The following DUSP16 variants were observed in gnomAD, a reference collection of about 807,000 sequenced individuals.
DUSP16 encodes dual specificity phosphatase 16.
A neutral mutation model predicts 58.3 loss-of-function variants in DUSP16; 21 were observed. The ratio of observed to expected loss-of-function variants is 0.36; its 90% CI spans 0.26 to 0.52. The LOEUF is 0.52. Among genes scored for constraint, DUSP16 ranks in the 20% least tolerant of loss-of-function variants. The probability of loss-of-function intolerance (pLI) is 0.94; values close to 1 mark genes in which losing one functional copy is unlikely to be tolerated. For synonymous variants in DUSP16, 320 were observed against 323.8 expected, an observed-to-expected ratio of 0.99 and a Z score of 0.12; for missense variants, 726 against 819.0, an observed-to-expected ratio of 0.89 and a Z score of 1.39.
Position 12,487,112 on chromosome 12 carries a change from C to A in DUSP16, c.607G>T (p.Glu203Ter), listed in dbSNP as rs753103309. ...ACAGGCACACGCAGGAAATGAGACT[C>A]GGGGATAAAGTCAGGCTTTGGACAG... Reference protein sequence around the residue: ...NTCPKPDFIPESHFLRVPVND... With the variant: ...NTCPKPDFIP The change falls in exon 5 of 7, where the codon GAG (glutamate) becomes TAG (stop). Residue 203 changes from glutamate (E) to a stop codon, truncating the protein, a stop_gained. Coordinates refer to ENST00000298573, the MANE Select transcript of DUSP16 (RefSeq NM_030640.3). LOFTEE classifies it high-confidence loss of function. 6.2e-7 allele frequency: 1 copy of A among 1,613,968 alleles called. No individual in the cohort carries two copies. Among genetic ancestry groups the A allele is most frequent in the African/African-American group, 1.3e-5 (1 of 74,888 alleles).
chr12:12,523,150 A>T (rs1003112277), intron 1 of DUSP16, among the ~76,000 whole-genome samples: 1 of 152,240 alleles, frequency 6.6e-6, no homozygotes, highest in African/African-American at 2.4e-5. Context: ...CCATTTACTT[A>T]TGCAACCTTG....
chr12:12,503,577 C>G (rs1336589607), intron 3 of DUSP16, among the ~76,000 whole-genome samples: 1 of 152,028 alleles, frequency 6.6e-6, no homozygotes, highest in Non-Finnish European at 1.5e-5. Flanking sequence ...AGCTACACCT[C>G]CTTAGTATTC....
At position 12,517,894 on chromosome 12, in the gene DUSP16, G is replaced by T. The variant is rs143543695; in HGVS notation, c.367+1968C>A. On this transcript the variant is annotated intron_variant, in intron 3 of 6. Coordinates refer to ENST00000298573, the MANE Select transcript of DUSP16 (RefSeq NM_030640.3). ...ATGTCAGGGTGTTCTGACTCAGTGT[G>T]TCACACCACGTGTCCCTAGAGTTGA... Among the ~76,000 whole-genome samples the T allele has an allele frequency of 2.6e-5, 4 of 152,324 alleles. No homozygotes were observed. In the East Asian group the frequency reaches 7.7e-4, roughly 29 times the overall value.
At chr12:12,482,950 C>T (rs1405043265) in intron 5 of DUSP16, among the ~76,000 whole-genome samples, 1 of 152,172 alleles carries the variant, frequency 6.6e-6, no homozygotes, top group Non-Finnish European at 1.5e-5. Flanking sequence ...TGGCCTCAAG[C>T]AATCCTCCCG....
chr12:12,480,875 C>T (rs1483297567), intron 5 of DUSP16, among the ~76,000 whole-genome samples: 1 of 152,204 alleles, frequency 6.6e-6, no homozygotes. Context: ...TGCAGCACCA[C>T]GCCTGGCTAA....
chr12:12,486,210 C>G (rs918650548), intron 5 of DUSP16, among the ~76,000 whole-genome samples: 3 of 152,010 alleles, frequency 2.0e-5, no homozygotes. Flanking sequence ...AAAAAAATTC[C>G]TTACATGGAA....
chr12:12,521,878 C>G (rs1258231667), intron 1 of DUSP16, among the ~76,000 whole-genome samples: 1 of 152,068 alleles, frequency 6.6e-6, no homozygotes, highest in Non-Finnish European at 1.5e-5. Context: ...AGTTAGCAAT[C>G]CTGTGTTACC....
intron 1 of DUSP16, among the ~76,000 whole-genome samples, chr12:12,531,552 T>C (rs915444909): frequency 3.3e-5 from 5 of 152,220 alleles, no homozygotes; most frequent in Non-Finnish European, 5.9e-5. Context: ...ATCAAATACA[T>C]GTTAAGCAAG....
chr12:12,552,322 T>C (rs1450727825), intron 1 of DUSP16, among the ~76,000 whole-genome samples: 5 of 152,044 alleles, frequency 3.3e-5, no homozygotes, highest in South Asian at 2.1e-4. Flanking sequence ...GGTGCGTGCC[T>C]GTAATCCCAG....
chr12:12,521,252 G>T lies in DUSP16; in HGVS notation c.-154C>A. 1.4e-6 allele frequency: 2 copies of T among 1,449,232 alleles called. No homozygotes were observed. The highest frequency in any genetic ancestry group is 1.8e-6 in the Non-Finnish European group (2 of 1,105,108). 89.8% of individuals were successfully genotyped at this position (1,449,232 alleles called of 1,614,324 possible). A position where few individuals can be genotyped will look rare whatever the true frequency, so the allele number is the denominator to read the frequency against. ...AAAAGGAGAGTTAAACCCATTTTCAGCAAGAGCCCTCCAAGTGAATGTCTC... is the reference window on the plus strand; with the variant it reads ...AAAAGGAGAGTTAAACCCATTTTCATCAAGAGCCCTCCAAGTGAATGTCTC... On this transcript the variant is annotated 5_prime_UTR_variant, in exon 2 of 7. In the 5' UTR this introduces an upstream ATG that the reference lacks. Coordinates refer to ENST00000298573, the MANE Select transcript of DUSP16 (RefSeq NM_030640.3).
At chr12:12,558,855 C>T (rs1944852130) in intron 1 of DUSP16, among the ~76,000 whole-genome samples, 1 of 152,172 alleles carries the variant, frequency 6.6e-6, no homozygotes, top group Admixed American at 6.5e-5. Context: ...TATTCTGTTC[C>T]CTTCCTTACT....
At chr12:12,502,357 G>A (rs1219739364) in intron 3 of DUSP16, among the ~76,000 whole-genome samples, 1 of 152,188 alleles carries the variant, frequency 6.6e-6, no homozygotes, top group Middle Eastern at 3.2e-3. Flanking sequence ...AATGTAAAAA[G>A]AGTGGCCTGG....
chr12:12,496,026 T>A (rs1943822988), intron 4 of DUSP16, among the ~76,000 whole-genome samples: 1 of 152,190 alleles, frequency 6.6e-6, no homozygotes, highest in Admixed American at 6.5e-5. Flanking sequence ...TGAGATGCAG[T>A]AACAGCTGAA....
In DUSP16 at chr12:12,505,169, C is replaced by A. The variant is rs904822611; in HGVS notation, c.368-4487G>T. 2.0e-5 allele frequency among the ~76,000 whole-genome samples: 3 copies of A among 152,244 alleles called. No homozygotes were observed. In the South Asian group the frequency reaches 6.2e-4, roughly 32 times the overall value. ...ATCACATAATATAGGCTCAGAATCA[C>A]GTAATATAATAACCGGAAGAGCCAG... On this transcript the variant is annotated intron_variant, in intron 3 of 6. Coordinates refer to ENST00000298573, the MANE Select transcript of DUSP16 (RefSeq NM_030640.3).
At position 12,478,248 on chromosome 12, in the gene DUSP16, G is replaced by T. The variant is rs566137892; in HGVS notation, c.816-233C>A. Among the ~76,000 whole-genome samples the T allele has an allele frequency of 1.4e-4, 22 of 152,196 alleles. No individual in the cohort carries two copies. The South Asian group carries it at 4.6e-3, about 32-fold the overall frequency. On this transcript the variant is annotated intron_variant, in intron 6 of 6. Coordinates refer to ENST00000298573, the MANE Select transcript of DUSP16 (RefSeq NM_030640.3). ...CCAGAAGAGGCAGCTGGGCCCCAAA[G>T]GCTCTAGTTTTTGTCTCCTTATTTT... is the stretch of plus-strand genomic sequence containing the variant.
chr12:12,547,232 C>G (rs908508810), intron 1 of DUSP16, among the ~76,000 whole-genome samples: 9 of 151,908 alleles, frequency 5.9e-5, no homozygotes, highest in Non-Finnish European at 1.2e-4. Context: ...AGTTTGAGAC[C>G]AGCCTGGCCA....
At chr12:12,509,201 A>G (rs1944040383) in intron 3 of DUSP16, among the ~76,000 whole-genome samples, 1 of 152,254 alleles carries the variant, frequency 6.6e-6, no homozygotes, top group African/African-American at 2.4e-5. Flanking sequence ...CTCTGTAGGT[A>G]GGAGAGCCAG....
chr12:12,520,788 A>G, intron 2 of DUSP16, 83 bp downstream of exon 2: 1 of 1,506,718 alleles, frequency 6.6e-7, no homozygotes, highest in Non-Finnish European at 9.0e-7. Flanking sequence ...TACTTTCTCT[A>G]CTTAAAGAGG....
chr12:12,504,132 A>C (rs1030620132), intron 3 of DUSP16, among the ~76,000 whole-genome samples: 2 of 152,216 alleles, frequency 1.3e-5, no homozygotes, highest in African/African-American at 2.4e-5. Context: ...GTAACAATAA[A>C]TGTTAAAGAT....
Sources: allele counts gnomAD v4.1 joint callset (sites outside exome capture counted in the v4.1 genomes callset), GRCh38; gene constraint gnomAD v4.1.1; transcripts MANE v1.5; gene names NCBI Gene and HGNC (gene_info 2026-07-23, HGNC 2026-07-21).